PDE2A: variants seen among roughly 807,000 people sequenced by gnomAD.
PDE2A encodes the protein phosphodiesterase 2A.
A neutral mutation model predicts 133.6 loss-of-function variants in PDE2A; 53 were observed. The observed-to-expected ratio is 0.40, with a 90% CI of 0.32 to 0.50. PDE2A has a LOEUF of 0.50. Among genes scored for constraint, PDE2A ranks in the 20% least tolerant of loss-of-function variants. The probability of loss-of-function intolerance (pLI) is 0.73; values close to 1 mark genes in which losing one functional copy is unlikely to be tolerated. For synonymous variants in PDE2A, 491 were observed against 490.2 expected (o/e 1.00, Z -0.02); for missense variants, 796 against 1,232.4 (o/e 0.65, Z 5.30).
At position 72,577,737 on chromosome 11, in the gene PDE2A, C is replaced by T. The variant is rs1855531901; in HGVS notation, c.2616-143G>A. ...CCTGTAATCCCAACACTCAGAGATG[C>T]CGAGGTGTGTGGATCACCTGAAGTC... On this transcript the variant is annotated intron_variant, in intron 30 of 30. Coordinates refer to ENST00000334456, the MANE Select transcript of PDE2A (RefSeq NM_002599.5). 6 of 643,414 alleles carry T rather than the reference C, an allele frequency of 9.3e-6. No individual in the cohort carries two copies. The South Asian group carries it at 1.1e-4, about 12-fold the overall frequency. The allele number at this position is 643,414 out of a possible 1,614,324, so 39.9% of individuals were successfully genotyped here.
rs1856571688 is a variant in PDE2A, at chr11:72,598,130, T to C, written c.324-511A>G. On this transcript the variant is annotated intron_variant, in intron 4 of 30. Transcript: ENST00000334456. ...ATGTCCCGTGCACAGCCCAAGCAACTCACATAGATGAACTCAGAATTCCCA... is the reference window on the plus strand; with the variant it reads ...ATGTCCCGTGCACAGCCCAAGCAACCCACATAGATGAACTCAGAATTCCCA... Among the ~76,000 whole-genome samples, 3 of 152,304 alleles carry C rather than the reference T, an allele frequency of 2.0e-5. No homozygotes were observed. The South Asian group carries it at 6.2e-4, about 32-fold the overall frequency.
At chr11:72,604,137 C>T (rs1452385228) in intron 4 of PDE2A, among the ~76,000 whole-genome samples, 1 of 152,248 alleles carries the variant, frequency 6.6e-6, no homozygotes, top group African/African-American at 2.4e-5. Flanking sequence ...CCCAGTGCTC[C>T]CTGGGCCCCA....
At chr11:72,631,276 C>G (rs1016982398) in intron 2 of PDE2A, 2 of 629,598 alleles carry the variant, frequency 3.2e-6, no homozygotes. Flanking sequence ...GCACCCTGCT[C>G]TCTCCCAAGA....
intron 1 of PDE2A, among the ~76,000 whole-genome samples, chr11:72,656,152 A>G (rs893588754): frequency 6.6e-6 from 1 of 152,208 alleles, no homozygotes; most frequent in Non-Finnish European, 1.5e-5. Flanking sequence ...AGGCGAGGGG[A>G]GAGCCACGAG....
chr11:72,585,439 G>C lies in PDE2A; in HGVS notation c.1223-5C>G. 2 of 1,614,106 alleles carry C rather than the reference G, an allele frequency of 1.2e-6. No individual in the cohort carries two copies. The highest frequency in any genetic ancestry group is 1.7e-6 in the Non-Finnish European group (2 of 1,179,958). ...GGAGCAGGACAGAGACGTCATCTGG[G>C]GAAGGGAGAAGACCAGGCAGGGTGA... On this transcript the variant is annotated splice_region_variant and splice_polypyrimidine_tract_variant and intron_variant, in intron 15 of 30. Transcript: ENST00000334456.
intron 6 of PDE2A, among the ~76,000 whole-genome samples, chr11:72,595,526 C>T (rs1029343417): frequency 1.3e-5 from 2 of 152,050 alleles, no homozygotes; most frequent in Non-Finnish European, 2.9e-5. Context: ...CCCCTCCCCC[C>T]TCTCCTCCCC....
chr11:72,664,364 A>ATTTTTTTTTTTTTTTTTTTTTTT lies in PDE2A; in HGVS notation c.71+9750_71+9772dup, dbSNP rs34217943. Among the ~76,000 whole-genome samples the ATTTTTTTTTTTTTTTTTTTTTTT allele has an allele frequency of 4.3e-5, 3 of 70,104 alleles. 1 individual carries two copies. Among genetic ancestry groups the ATTTTTTTTTTTTTTTTTTTTTTT allele is most frequent in the African/African-American group, 1.8e-4 (3 of 16,584 alleles). The allele number at this position is 70,104 out of a possible 152,430, so 46.0% of individuals were successfully genotyped here. ...CAAAATAGGGCTAGCCCCTTGAAGG[A>ATTTTTTTTTTTTTTTTTTTTTTT]TTTTTTTTTTTTTTTTTTTTTTTTT... On this transcript the variant is annotated intron_variant, in intron 1 of 30. Coordinates refer to ENST00000334456, the MANE Select transcript of PDE2A (RefSeq NM_002599.5).
chr11:72,603,302 A>AT (rs1565164121), intron 4 of PDE2A, among the ~76,000 whole-genome samples: 29 of 150,086 alleles, frequency 1.9e-4, no homozygotes, highest in African/African-American at 6.9e-4. Flanking sequence ...TTTTTTTGGT[A>AT]TTTTTTCCAA....
At chr11:72,591,622 G>A (rs1055976841) in intron 6 of PDE2A, among the ~76,000 whole-genome samples, 2 of 152,164 alleles carry the variant, frequency 1.3e-5, no homozygotes, top group African/African-American at 2.4e-5. Flanking sequence ...AGCACAGTCC[G>A]GGTGTATGGT....
At position 72,590,996 on chromosome 11, in the gene PDE2A, C is replaced by A. The variant is rs1394557098; in HGVS notation, c.549+301G>T. On this transcript the variant is annotated intron_variant, in intron 7 of 30. Coordinates refer to ENST00000334456, the MANE Select transcript of PDE2A (RefSeq NM_002599.5). The surrounding 1 kb of genome is among the most constrained non-coding windows in gnomAD (Gnocchi z 4.8). ...TGCTCCTGGACTTAGGATAGGGTTGCTTCCCCATAAATCCATCAAAAAGTC... is the reference window on the plus strand; with the variant it reads ...TGCTCCTGGACTTAGGATAGGGTTGATTCCCCATAAATCCATCAAAAAGTC... 4.8e-6 allele frequency: 2 copies of A among 418,744 alleles called. No homozygotes were observed. The highest frequency in any genetic ancestry group is 8.6e-6 in the Non-Finnish European group (2 of 233,574). The allele number at this position is 418,744 out of a possible 1,614,324, so 25.9% of individuals were successfully genotyped here. A position where few individuals can be genotyped will look rare whatever the true frequency, so the allele number is the denominator to read the frequency against.
At chr11:72,599,198 G>C (rs1452514009) in intron 4 of PDE2A, among the ~76,000 whole-genome samples, 1 of 152,106 alleles carries the variant, frequency 6.6e-6, no homozygotes, top group Non-Finnish European at 1.5e-5. Flanking sequence ...GACTGGAGCT[G>C]CTTGGCCTCT....
chr11:72,585,109 G>GT, intron 16 of PDE2A, 165 bp from the exon 17 acceptor site: 3 of 596,690 alleles, frequency 5.0e-6, no homozygotes, highest in East Asian at 5.9e-5. Context: ...CCATTCAAGT[G>GT]TTTTGTTTTT....
intron 4 of PDE2A, among the ~76,000 whole-genome samples, chr11:72,601,687 G>A (rs980796133): frequency 1.3e-5 from 2 of 152,148 alleles, no homozygotes; most frequent in African/African-American, 2.4e-5. Flanking sequence ...AGAGGAAGGC[G>A]GCAGAGCTGG....
intron 2 of PDE2A, chr11:72,635,997 C>G (rs1286421953): frequency 8.0e-7 from 1 of 1,256,902 alleles, no homozygotes; most frequent in African/African-American, 1.5e-5. Flanking sequence ...TCCCGAAACT[C>G]CCATGCCCTT....
At chr11:72,587,041 G>A (rs1252034733) in intron 13 of PDE2A, among the ~76,000 whole-genome samples, 2 of 152,110 alleles carry the variant, frequency 1.3e-5, no homozygotes, top group Admixed American at 1.3e-4. Context: ...GCCACACAAA[G>A]ATCCTCATCA....
intron 21 of PDE2A, 159 bp from the exon 22 acceptor site, chr11:72,582,106 T>TTTTAGAG: frequency 1.6e-6 from 1 of 642,722 alleles, no homozygotes; most frequent in Non-Finnish European, 2.8e-6. Flanking sequence ...TTCTCGGAGC[T>TTTTAGAG]ATGCATTTTT....
chr11:72,616,213 G>A (rs1025252761), intron 2 of PDE2A, among the ~76,000 whole-genome samples: 4 of 152,152 alleles, frequency 2.6e-5, no homozygotes, highest in East Asian at 1.9e-4. Context: ...GATGAATGAC[G>A]AATGAATGAA....
chr11:72,647,821 G>C (rs1388089678), intron 1 of PDE2A, among the ~76,000 whole-genome samples: 1 of 152,232 alleles, frequency 6.6e-6, no homozygotes, highest in African/African-American at 2.4e-5. Flanking sequence ...AGCATGATGT[G>C]TGTGAGGGTG....
At chr11:72,584,450 C>T (rs980372925) in intron 18 of PDE2A, 101 bp downstream of exon 18, 10 of 1,396,904 alleles carry the variant, frequency 7.2e-6, no homozygotes, top group African/African-American at 4.3e-5. Context: ...CCTTATGCTC[C>T]GGGACGCTGG....
Sources: allele counts gnomAD v4.1 joint callset (sites outside exome capture counted in the v4.1 genomes callset), GRCh38; gene constraint gnomAD v4.1.1; non-coding constraint Gnocchi (gnomAD v3.1); transcripts MANE v1.5; gene names NCBI Gene and HGNC (gene_info 2026-07-23, HGNC 2026-07-21).